The following REEP6 variants were observed in gnomAD, a reference collection of about 807,000 sequenced individuals.
REEP6 encodes receptor expression-enhancing protein 6.
In REEP6, 19 loss-of-function variants were observed where a neutral mutation model predicts 22.4. That is an observed-to-expected ratio of 0.85 (90% CI 0.59 to 1.25). REEP6 has a LOEUF of 1.25. Ranked by LOEUF, REEP6 falls within the 50% of genes most tolerant of loss-of-function variation. REEP6 has a pLI of 0.00. For synonymous variants in REEP6, 121 were observed against 113.6 expected (o/e 1.06, Z -0.41); for missense variants, 273 against 251.9 (o/e 1.08, Z -0.57).
chr19:1,491,370 G>A lies in REEP6; in HGVS notation c.101G>A (p.Arg34Gln). ...ALEAKTGVEKRYLAAGAVTLL... is the reference protein window; with the variant it reads ...ALEAKTGVEKQYLAAGAVTLL... ...GAGGCCAAGACCGGGGTGGAGAAGC[G>A]GTATCTGGCTGCAGGTGAGCCGTCG... is the stretch of plus-strand genomic sequence containing the variant. Residue 34 changes from arginine (R) to glutamine (Q), a missense_variant, in exon 1 of 5, where the codon CGG becomes CAG. Coordinates refer to ENST00000233596, the MANE Select transcript of REEP6 (RefSeq NM_138393.4). This position sits in a 1 kb window ranked among gnomAD's most constrained non-coding sequence, Gnocchi z 5.4. 2.5e-5 allele frequency: 37 copies of A among 1,465,302 alleles called. No homozygotes were observed. The highest frequency in any genetic ancestry group is 3.2e-5 in the Non-Finnish European group (36 of 1,108,772). The allele number at this position is 1,465,302 out of a possible 1,614,324, so 90.8% of individuals were successfully genotyped here.
In REEP6 at chr19:1,496,410, C is replaced by A. The variant is rs1325184725; in HGVS notation, c.474C>A (p.Leu158=). 3 of 1,613,146 alleles carry A rather than the reference C, an allele frequency of 1.9e-6. No homozygotes were observed. The highest frequency in any genetic ancestry group is 2.5e-6 in the Non-Finnish European group (3 of 1,179,874). The change falls in exon 4 of 5, where the codon CTC becomes CTA. Residue 158 remains leucine, a synonymous_variant. Coordinates refer to ENST00000233596, the MANE Select transcript of REEP6 (RefSeq NM_138393.4). The part of the protein sequence containing the change: ...HGAVDRIMND[L]SGRALDAAAG... ...CCGTAGACAGAATCATGAACGACCT[C>A]AGCGGGCGAGCCCTGGACGCGGCGG... is the stretch of plus-strand genomic sequence containing the variant.
At chr19:1,495,437 C>CA in intron 2 of REEP6, 32 bp from the exon 3 acceptor site, 1 of 1,613,784 alleles carries the variant, frequency 6.2e-7, no homozygotes, top group Non-Finnish European at 8.5e-7. Flanking sequence ...GGCTCCCTGG[C>CA]AGCCCCTGAC....
In REEP6 at chr19:1,491,343, T is replaced by C. The variant is rs1424045966; in HGVS notation, c.74T>C (p.Leu25Pro). The C allele has an allele frequency of 1.4e-6, 2 of 1,480,244 alleles. No homozygotes were observed. Among genetic ancestry groups the C allele is most frequent in the Non-Finnish European group, 1.8e-6 (2 of 1,116,510 alleles). 91.7% of individuals were successfully genotyped at this position (1,480,244 alleles called of 1,614,324 possible). A position where few individuals can be genotyped will look rare whatever the true frequency, so the allele number is the denominator to read the frequency against. Reference protein sequence around the residue: ...RNLVTEVLGALEAKTGVEKRY... With the variant: ...RNLVTEVLGAPEAKTGVEKRY... The stretch of plus-strand genomic sequence containing the variant: ...CTGGTCACCGAAGTGCTGGGGGCGC[T>C]GGAGGCCAAGACCGGGGTGGAGAAG... Residue 25 changes from leucine to proline, a missense_variant, in exon 1 of 5, where the codon CTG (leucine) becomes CCG (proline). By Grantham distance (98) the Leu-to-Pro change is moderately conservative. Transcript: ENST00000233596. The surrounding 1 kb of genome is among the most constrained non-coding windows in gnomAD (Gnocchi z 5.4).
chr19:1,497,060 C>G lies in REEP6; in HGVS notation c.518-114C>G. On this transcript the variant is annotated intron_variant, in intron 4 of 4. Coordinates refer to ENST00000233596, the MANE Select transcript of REEP6 (RefSeq NM_138393.4). This position sits in a 1 kb window ranked among gnomAD's most constrained non-coding sequence, Gnocchi z 6.5. ...CACCATCTCTGCTGAGGGTGGCTGC[C>G]CGGCCCCTCGACTTGTCATGCTCAT... 3.4e-6 allele frequency: 3 copies of G among 872,046 alleles called. No individual in the cohort carries two copies. The highest frequency in any genetic ancestry group is 5.1e-6 in the Non-Finnish European group (3 of 586,148). The allele number at this position is 872,046 out of a possible 1,614,324, so 54.0% of individuals were successfully genotyped here.
chr19:1,496,918 GT>G (rs1690091873), intron 4 of REEP6, among the ~76,000 whole-genome samples: 1 of 152,164 alleles, frequency 6.6e-6, no homozygotes, highest in South Asian at 2.1e-4. Context: ...GAGTATATGT[GT>G]GTGCGTGTGA....
intron 1 of REEP6, among the ~76,000 whole-genome samples, chr19:1,494,889 T>C (rs912202002): frequency 6.6e-6 from 1 of 152,196 alleles, no homozygotes; most frequent in Admixed American, 6.6e-5. Context: ...TTTCACCGTG[T>C]TAGCCAGGAT....
chr19:1,497,078 ATGC>A lies in REEP6; in HGVS notation c.518-94_518-92del. 1 of 1,059,872 alleles carries A rather than the reference ATGC, an allele frequency of 9.4e-7. No homozygotes were observed. Among genetic ancestry groups the A allele is most frequent in the South Asian group, 1.7e-5 (1 of 57,802 alleles). 65.7% of individuals were successfully genotyped at this position (1,059,872 alleles called of 1,614,324 possible). On this transcript the variant is annotated intron_variant, in intron 4 of 4. Coordinates refer to ENST00000233596, the MANE Select transcript of REEP6 (RefSeq NM_138393.4). This position sits in a 1 kb window ranked among gnomAD's most constrained non-coding sequence, Gnocchi z 6.5. ...TGGCTGCCCGGCCCCTCGACTTGTC[ATGC>A]TCATAGCCAGTAGCCTCAGTCCCGC...
At position 1,491,641 on chromosome 19, in the gene REEP6, C is replaced by G. The variant is rs1219316227; in HGVS notation, c.115+257C>G. On this transcript the variant is annotated intron_variant, in intron 1 of 4. Coordinates refer to ENST00000233596, the MANE Select transcript of REEP6 (RefSeq NM_138393.4). This position sits in a 1 kb window ranked among gnomAD's most constrained non-coding sequence, Gnocchi z 5.4. ...TTCCGGGCGCTGGGTGCCTGCCATG[C>G]CGAAGTCCGGTTCTTCCAGTTGCCC... 1.3e-5 allele frequency among the ~76,000 whole-genome samples: 2 copies of G among 152,276 alleles called. No individual in the cohort carries two copies. Among genetic ancestry groups the G allele is most frequent in the Non-Finnish European group, 2.9e-5 (2 of 68,044 alleles).
chr19:1,492,866 A>C (rs2084977826), intron 1 of REEP6, among the ~76,000 whole-genome samples: 2 of 152,116 alleles, frequency 1.3e-5, no homozygotes. Context: ...TGGCATGGGC[A>C]TGGCCCGGCT....
In REEP6 at chr19:1,497,577, C is replaced by A; in HGVS notation, c.*366C>A. The A allele has an allele frequency of 1.8e-6, 1 of 555,804 alleles. No individual in the cohort carries two copies. Among genetic ancestry groups the A allele is most frequent in the East Asian group, 4.5e-5 (1 of 22,256 alleles). The allele number at this position is 555,804 out of a possible 1,614,324, so 34.4% of individuals were successfully genotyped here. A position where few individuals can be genotyped will look rare whatever the true frequency, so the allele number is the denominator to read the frequency against. On this transcript the variant is annotated 3_prime_UTR_variant, in exon 5 of 5. Transcript: ENST00000233596. This position sits in a 1 kb window ranked among gnomAD's most constrained non-coding sequence, Gnocchi z 6.5. ...CCAGTCAGCCCTCCCGTCCTCGGGG[C>A]CCCTGCAGCCACCCAACGTCACCTC...
Position 1,496,404 on chromosome 19 carries a change from C to T in REEP6, c.468C>T (p.Asn156=), listed in dbSNP as rs776330188. 8.7e-6 allele frequency: 14 copies of T among 1,613,050 alleles called. No homozygotes were observed. Among genetic ancestry groups the T allele is most frequent in the Admixed American group, 6.7e-5 (4 of 60,004 alleles). ...ACGGGGCCGTAGACAGAATCATGAA[C>T]GACCTCAGCGGGCGAGCCCTGGACG... ...RHHGAVDRIM[N]DLSGRALDAA... The change falls in exon 4 of 5, where the codon AAC becomes AAT. Residue 156 remains asparagine (N), a synonymous_variant. Coordinates refer to ENST00000233596, the MANE Select transcript of REEP6 (RefSeq NM_138393.4).
chr19:1,493,917 G>A (rs372906758), intron 1 of REEP6, among the ~76,000 whole-genome samples: 62 of 152,152 alleles, frequency 4.1e-4, no homozygotes, highest in African/African-American at 1.1e-3. Flanking sequence ...GTGAAACCCC[G>A]TCTCTACTAA....
chr19:1,496,610 T>C (rs2085009465), intron 4 of REEP6, 157 bp downstream of exon 4: 1 of 991,092 alleles, frequency 1.0e-6, no homozygotes, highest in Admixed American at 2.0e-5. Context: ...TCCTGGCCCG[T>C]AGCCGGGCAG....
At chr19:1,496,919 T>A (rs1395987437) in intron 4 of REEP6, among the ~76,000 whole-genome samples, 1 of 152,142 alleles carries the variant, frequency 6.6e-6, no homozygotes, top group Non-Finnish European at 1.5e-5. Context: ...AGTATATGTG[T>A]GTGCGTGTGA....
Position 1,495,610 on chromosome 19 carries a change from G to C in REEP6, c.348+3G>C. On this transcript the variant is annotated splice_donor_region_variant and intron_variant, in intron 3 of 4. Coordinates refer to ENST00000233596, the MANE Select transcript of REEP6 (RefSeq NM_138393.4). Reference sequence around the variant, plus strand: ...TCCCTTTCTACTACGTGGGCAAGGTGGGCCCTGCCAGGGCGGGCACAGCCG... The same window carrying C: ...TCCCTTTCTACTACGTGGGCAAGGTCGGCCCTGCCAGGGCGGGCACAGCCG... 6.2e-7 allele frequency: 1 copy of C among 1,614,002 alleles called. No individual in the cohort carries two copies. Among genetic ancestry groups the C allele is most frequent in the Non-Finnish European group, 8.5e-7 (1 of 1,179,988 alleles).
rs779917675 is a variant in REEP6 at position 1,495,178 on chromosome 19, C to T, written c.116-116C>T. ...AGGGGCAGTGGACATATCCTGGAGGCGGCTCCTGGGAGGAGGTGACGGTTG... is the reference window on the plus strand; with the variant it reads ...AGGGGCAGTGGACATATCCTGGAGGTGGCTCCTGGGAGGAGGTGACGGTTG... On this transcript the variant is annotated intron_variant, in intron 1 of 4. Transcript: ENST00000233596. 341 of 906,302 alleles carry T rather than the reference C, an allele frequency of 3.8e-4. 1 individual carries two copies. Among genetic ancestry groups the T allele is most frequent in the Non-Finnish European group, 4.9e-4 (277 of 568,402 alleles). 56.1% of individuals were successfully genotyped at this position (906,302 alleles called of 1,614,324 possible). A position where few individuals can be genotyped will look rare whatever the true frequency, so the allele number is the denominator to read the frequency against.
In REEP6 at chr19:1,497,169, TGCAG is replaced by T; in HGVS notation, c.518-4_518-1del. 1 of 907,396 alleles carries T rather than the reference TGCAG, an allele frequency of 1.1e-6. No homozygotes were observed. The highest frequency in any genetic ancestry group is 1.5e-6 in the Non-Finnish European group (1 of 657,542). The allele number at this position is 907,396 out of a possible 1,614,324, so 56.2% of individuals were successfully genotyped here. ...GCCCTCCCCCACCCGCCCCTCTCTC[TGCAG>T]TCAAGCCAAGCCAGACCCCGCAGCC... On this transcript the variant is annotated splice_acceptor_variant and splice_polypyrimidine_tract_variant and intron_variant, in intron 4 of 4. Transcript: ENST00000233596. LOFTEE classifies it high-confidence loss of function. The surrounding 1 kb of genome is among the most constrained non-coding windows in gnomAD (Gnocchi z 6.5).
chr19:1,493,708 GAC>G lies in REEP6; in HGVS notation c.116-1563_116-1562del, dbSNP rs55971424. 1.4e-3 allele frequency among the ~76,000 whole-genome samples: 202 copies of G among 140,760 alleles called. 1 individual carries two copies. Among genetic ancestry groups the G allele is most frequent in the Non-Finnish European group, 1.9e-3 (126 of 65,124 alleles). The allele number at this position is 140,760 out of a possible 152,430, so 92.3% of individuals were successfully genotyped here. A position where few individuals can be genotyped will look rare whatever the true frequency, so the allele number is the denominator to read the frequency against. The stretch of plus-strand genomic sequence containing the variant: ...CAGGTTCAGGATTGGGGCTGAGCTG[GAC>G]ACACACACACACACACACACACGTT... On this transcript the variant is annotated intron_variant, in intron 1 of 4. Transcript: ENST00000233596.
Position 1,496,314 on chromosome 19 carries a change from C to G in REEP6, c.378C>G (p.Pro126=). The change falls in exon 4 of 5, where the codon CCC becomes CCG. Residue 126 remains proline (P), a synonymous_variant. Transcript: ENST00000233596. ...CCTTCCTGTTGTTCTGCATGGCTCC[C>G]AGGCCCTGGAACGGGGCTCTCATGC... ...KCAFLLFCMA[P]RPWNGALMLY... is the part of the protein sequence containing the mutation. 1 of 1,611,512 alleles carries G rather than the reference C, an allele frequency of 6.2e-7. No individual in the cohort carries two copies. The highest frequency in any genetic ancestry group is 8.5e-7 in the Non-Finnish European group (1 of 1,179,140).
Sources: gnomAD v4.1 joint callset for allele counts (sites outside exome capture counted in the v4.1 genomes callset) on GRCh38, gnomAD v4.1.1 for gene constraint, Gnocchi (gnomAD v3.1) non-coding constraint, MANE v1.5 for transcripts, NCBI Gene and HGNC (gene_info 2026-07-23, HGNC 2026-07-21) for gene names.